Variants in FER1L5 observed in about 807,000 individuals in gnomAD.
FER1L5 encodes fer-1-like protein 5.
A neutral mutation model predicts 279.9 loss-of-function variants in FER1L5; 187 were observed. The ratio of observed to expected loss-of-function variants is 0.67; its 90% confidence interval spans 0.59 to 0.75. The LOEUF is 0.75. Among genes scored for constraint, FER1L5 ranks in the 30% least tolerant of loss-of-function variants. FER1L5 has a pLI of 0.00. For synonymous variants in FER1L5, 921 were observed against 989.7 expected (o/e 0.93, Z 1.30); for missense variants, 2,091 against 2,594.4 (o/e 0.81, Z 4.21).
At chr2:96,646,337 C>T (rs1558832544) in intron 1 of FER1L5, 64 bp from the exon 2 acceptor site, 1 of 1,524,188 alleles carries the variant, frequency 6.6e-7, no homozygotes, top group Non-Finnish European at 8.9e-7. Context: ...TCTCTTTACC[C>T]CACTCCAACC....
intron 19 of FER1L5, among the ~76,000 whole-genome samples, chr2:96,682,389 G>C (rs1180810898): frequency 2.0e-5 from 3 of 152,244 alleles, no homozygotes; most frequent in Non-Finnish European, 4.4e-5. Flanking sequence ...ACCGCACCCG[G>C]CCAAGAGATT....
At position 96,704,084 on chromosome 2, in the gene FER1L5, G is replaced by A. The variant is rs2077692636; in HGVS notation, c.5802-131G>A. On this transcript the variant is annotated intron_variant, in intron 51 of 52. Transcript: ENST00000624922. The stretch of plus-strand genomic sequence containing the variant: ...ACTCACCTCGGCCTCCCAAAATGCT[G>A]GGATTACAGGCGTGAGACACTGTGC... 7 of 1,131,688 alleles carry A rather than the reference G, an allele frequency of 6.2e-6. No homozygotes were observed. In the South Asian group the frequency reaches 8.1e-5, roughly 13 times the overall value. The allele number at this position is 1,131,688 out of a possible 1,614,324, so 70.1% of individuals were successfully genotyped here.
chr2:96,645,236 T>TC (rs1215149757), intron 1 of FER1L5, among the ~76,000 whole-genome samples: 1 of 152,232 alleles, frequency 6.6e-6, no homozygotes, highest in Non-Finnish European at 1.5e-5. Flanking sequence ...CTTACACAAG[T>TC]CCTGCATGGA....
Position 96,702,484 on chromosome 2 carries a change from G to C in FER1L5, c.5255+83G>C. ...TGCTGGCACGGCCCAGTCCTGAATG[G>C]GACACCTCTCCATCCAGCTCTGCCT... On this transcript the variant is annotated intron_variant, in intron 47 of 52. Transcript: ENST00000624922. The surrounding 1 kb of genome is among the most constrained non-coding windows in gnomAD (Gnocchi z 4.0). 6.4e-7 allele frequency: 1 copy of C among 1,553,224 alleles called. No individual in the cohort carries two copies. The highest frequency in any genetic ancestry group is 8.7e-7 in the Non-Finnish European group (1 of 1,148,408).
At position 96,686,189 on chromosome 2, in the gene FER1L5, CGG is replaced by C; in HGVS notation, c.2074-5_2074-4del. Reference sequence around the variant, plus strand: ...CGCAGGGCCTGACATTCTCCCACCTCGGCAGCCCCAGATGGGCCTCCCTGACG... The same window carrying C: ...CGCAGGGCCTGACATTCTCCCACCTCCAGCCCCAGATGGGCCTCCCTGACG... On this transcript the variant is annotated splice_region_variant and splice_polypyrimidine_tract_variant and intron_variant, in intron 22 of 52. Transcript: ENST00000624922. 2.6e-6 allele frequency: 4 copies of C among 1,549,596 alleles called. No homozygotes were observed. Among genetic ancestry groups the C allele is most frequent in the Non-Finnish European group, 3.5e-6 (4 of 1,145,618 alleles).
rs891316734 is a variant in FER1L5 at position 96,685,796 on chromosome 2, G to A, written c.1896-144G>A. On this transcript the variant is annotated intron_variant, in intron 21 of 52. Transcript: ENST00000624922. ...CGAGCAGGCTTCCTATGGAGCAGTG[G>A]GAAGGGCTCCTGGGCCAGGCTAGCA... is the stretch of plus-strand genomic sequence containing the variant. The A allele has an allele frequency of 4.8e-6, 5 of 1,046,338 alleles. No homozygotes were observed. In the African/African-American group the frequency reaches 8.1e-5, roughly 17 times the overall value. 64.8% of individuals were successfully genotyped at this position (1,046,338 alleles called of 1,614,324 possible).
At chr2:96,675,292 C>T (rs2076470441) in intron 19 of FER1L5, among the ~76,000 whole-genome samples, 1 of 152,046 alleles carries the variant, frequency 6.6e-6, no homozygotes, top group Admixed American at 6.6e-5. Context: ...AAATTATATA[C>T]CTATGGGTGG....
At chr2:96,685,746 T>G (rs1359534252) in intron 21 of FER1L5, among the ~76,000 whole-genome samples, 194 bp from the exon 22 acceptor site, 1 of 152,074 alleles carries the variant, frequency 6.6e-6, no homozygotes, top group Non-Finnish European at 1.5e-5. Flanking sequence ...GAGGACTGGA[T>G]GAGAACCCAG....
intron 19 of FER1L5, among the ~76,000 whole-genome samples, chr2:96,679,588 A>G (rs2106627764): frequency 6.6e-6 from 1 of 152,296 alleles, no homozygotes; most frequent in South Asian, 2.1e-4. Context: ...ATTAATTTGC[A>G]TGTGAATATC....
rs925845764 is a variant in FER1L5, at chr2:96,704,299, C to T, written c.5886C>T (p.Leu1962=). 6.2e-7 allele frequency: 1 copy of T among 1,613,894 alleles called. No individual in the cohort carries two copies. Among genetic ancestry groups the T allele is most frequent in the Non-Finnish European group, 8.5e-7 (1 of 1,179,886 alleles). ...YIFWKRYRFK[L]IAFMVISIIA... ...TCTGGAAACGCTATCGCTTCAAACT[C>T]ATAGCCTTTATGGTCATATCGATTA... The change falls in exon 52 of 53, where the codon CTC becomes CTT. Residue 1962 remains leucine, a synonymous_variant. Transcript: ENST00000624922.
intron 5 of FER1L5, 124 bp downstream of exon 5, chr2:96,649,801 C>T: frequency 2.1e-6 from 2 of 943,514 alleles, no homozygotes; most frequent in Non-Finnish European, 3.2e-6. Context: ...TGTGACCAGG[C>T]TAGGGTCCCT....
chr2:96,680,750 T>G (rs1171134969), intron 19 of FER1L5, among the ~76,000 whole-genome samples: 2 of 152,248 alleles, frequency 1.3e-5, no homozygotes, highest in African/African-American at 2.4e-5. Context: ...CAGTGAATTA[T>G]CACAAAGCAA....
At chr2:96,652,107 G>A in intron 7 of FER1L5, 87 bp downstream of exon 7, 2 of 1,527,382 alleles carry the variant, frequency 1.3e-6, no homozygotes, top group South Asian at 2.4e-5. Flanking sequence ...TCCTTGACTA[G>A]GGTGTCTTCA....
intron 14 of FER1L5, among the ~76,000 whole-genome samples, chr2:96,667,239 T>C (rs1438577802): frequency 6.6e-6 from 1 of 152,160 alleles, no homozygotes; most frequent in Non-Finnish European, 1.5e-5. Context: ...TAATAGCACC[T>C]GGTTCATGAG....
In FER1L5 at chr2:96,698,985, C is replaced by T; in HGVS notation, c.4519-60C>T. 2 of 1,550,264 alleles carry T rather than the reference C, an allele frequency of 1.3e-6. No individual in the cohort carries two copies. Among genetic ancestry groups the T allele is most frequent in the South Asian group, 2.4e-5 (2 of 84,734 alleles). ...TGTTTCCACCCTCCTCCCACCCTCC[C>T]TGACAAACCTGGACGGCCTCCCCAG... is the stretch of plus-strand genomic sequence containing the variant. On this transcript the variant is annotated intron_variant, in intron 41 of 52. Transcript: ENST00000624922. The surrounding 1 kb of genome is among the most constrained non-coding windows in gnomAD (Gnocchi z 5.5).
intron 1 of FER1L5, among the ~76,000 whole-genome samples, chr2:96,644,582 C>T (rs1312027338): frequency 1.3e-5 from 2 of 151,890 alleles, no homozygotes; most frequent in African/African-American, 2.4e-5. Context: ...TGGATACAGG[C>T]AAATAGGTTT....
rs898404728 is a variant in FER1L5, at chr2:96,694,427, A to G, written c.3704A>G (p.Lys1235Arg). ...PWKNGAYTLP[K>R]SIQPTIKRMA... is the part of the protein sequence containing the mutation. The stretch of plus-strand genomic sequence containing the variant: ...AAGAATGGGGCATACACACTCCCCA[A>G]GAGCATCCAGCCCACGATAAAGAGG... Residue 1235 changes from lysine (K) to arginine (R), a missense_variant, in exon 34 of 53, where the codon AAG (lysine) becomes AGG (arginine). Transcript: ENST00000624922. The surrounding 1 kb of genome is among the most constrained non-coding windows in gnomAD (Gnocchi z 4.6). The G allele has an allele frequency of 2.1e-5, 33 of 1,549,544 alleles. No homozygotes were observed. In the Admixed American group the frequency reaches 6.3e-4, roughly 30 times the overall value.
intron 9 of FER1L5, among the ~76,000 whole-genome samples, chr2:96,655,718 C>CA (rs1553447943): frequency 6.6e-6 from 1 of 151,246 alleles, no homozygotes; most frequent in Non-Finnish European, 1.5e-5. Flanking sequence ...CAAGCTTCTT[C>CA]TTTTTTTTTG....
At chr2:96,648,933 A>G (rs989437876) in intron 4 of FER1L5, among the ~76,000 whole-genome samples, 2 of 151,120 alleles carry the variant, frequency 1.3e-5, no homozygotes, top group African/African-American at 4.9e-5. Context: ...AAGAGGCTTG[A>G]GTTTTCCCAA....
Sources: allele counts gnomAD v4.1 joint callset (sites outside exome capture counted in the v4.1 genomes callset), GRCh38; gene constraint gnomAD v4.1.1; non-coding constraint Gnocchi (gnomAD v3.1); transcripts MANE v1.5; gene names NCBI Gene and HGNC (gene_info 2026-07-23, HGNC 2026-07-21).